The following DNAL1 variants were observed in gnomAD, a reference collection of about 807,000 sequenced individuals.
The protein encoded by DNAL1 is dynein axonemal light chain 1.
Under a neutral mutation model 29.4 loss-of-function variants are expected in DNAL1, and 17 were observed. That is an observed-to-expected ratio of 0.58 (90% CI 0.40 to 0.87). The LOEUF is 0.87. Among genes scored for constraint, DNAL1 ranks in the 40% least tolerant of loss-of-function variants. The pLI is 0.00. For missense variants in DNAL1, 188 were observed against 214.1 expected, an observed-to-expected ratio of 0.88 and a Z score of 0.76; for synonymous variants, 78 against 76.3, an observed-to-expected ratio of 1.02 and a Z score of -0.12.
intron 5 of DNAL1, among the ~76,000 whole-genome samples, chr14:73,685,367 A>T (rs563414857): frequency 2.3e-4 from 35 of 151,900 alleles, no homozygotes; most frequent in African/African-American, 7.0e-4. Flanking sequence ...ATCATACAGC[A>T]TTTATCTTTT....
chr14:73,683,314 G>C (rs1039479905), intron 5 of DNAL1, among the ~76,000 whole-genome samples: 1 of 152,176 alleles, frequency 6.6e-6, no homozygotes, highest in Non-Finnish European at 1.5e-5. Flanking sequence ...TTATGCGTGT[G>C]TATGGCTGGT....
intron 1 of DNAL1, among the ~76,000 whole-genome samples, chr14:73,650,269 A>G (rs1358188965): frequency 2.0e-5 from 3 of 152,194 alleles, no homozygotes. Context: ...GATTATAGGC[A>G]TGAGCCACTG....
chr14:73,679,155 C>A (rs761626730), intron 5 of DNAL1, among the ~76,000 whole-genome samples: 7 of 152,106 alleles, frequency 4.6e-5, no homozygotes, highest in Non-Finnish European at 1.0e-4. Flanking sequence ...TGCCACCACA[C>A]CCGGCTAATT....
chr14:73,654,874 T>G lies in DNAL1; in HGVS notation c.31T>G (p.Leu11Val). 6.5e-7 allele frequency: 1 copy of G among 1,542,096 alleles called. No homozygotes were observed. The highest frequency in any genetic ancestry group is 8.7e-7 in the Non-Finnish European group (1 of 1,144,580). Residue 11 changes from leucine (L) to valine (V), a missense_variant, in exon 2 of 8, where the codon TTA becomes GTA. By Grantham distance (32) the Leu-to-Val change is conservative. Coordinates refer to ENST00000553645, the MANE Select transcript of DNAL1 (RefSeq NM_031427.4). MAKATTIKEALARWEEKTGQR... is the reference protein window; with the variant it reads MAKATTIKEAVARWEEKTGQR... Reference sequence around the variant, plus strand: ...GAAAGCAACAACAATCAAAGAAGCCTTAGCGAGATGGGTGAGTACATGAGT... The same window carrying G: ...GAAAGCAACAACAATCAAAGAAGCCGTAGCGAGATGGGTGAGTACATGAGT...
intron 5 of DNAL1, among the ~76,000 whole-genome samples, chr14:73,677,460 C>T (rs1025576317): frequency 4.0e-5 from 6 of 151,614 alleles, no homozygotes; most frequent in South Asian, 2.1e-4. Flanking sequence ...CCACTGTTCG[C>T]GGCAAGTACC....
Position 73,698,715 on chromosome 14 carries a change from A to G in DNAL1, c.*2773A>G, listed in dbSNP as rs1479196647. 1 of 152,156 alleles carries G rather than the reference A, an allele frequency of 6.6e-6. No individual in the cohort carries two copies. The highest frequency in any genetic ancestry group is 1.5e-5 in the Non-Finnish European group (1 of 68,062). 9.4% of individuals were successfully genotyped at this position (152,156 alleles called of 1,614,324 possible). A position where few individuals can be genotyped will look rare whatever the true frequency, so the allele number is the denominator to read the frequency against. On this transcript the variant is annotated 3_prime_UTR_variant, in exon 8 of 8. Coordinates refer to ENST00000553645, the MANE Select transcript of DNAL1 (RefSeq NM_031427.4). ...CACATCGGCCTCCCAAAGTGCTGGG[A>G]TTACAGGCATGAGCCACCGTGCCTG...
At chr14:73,681,128 TG>T (rs1891864757) in intron 5 of DNAL1, among the ~76,000 whole-genome samples, 1 of 151,566 alleles carries the variant, frequency 6.6e-6, no homozygotes, top group Non-Finnish European at 1.5e-5. Context: ...TTGGGTTTGT[TG>T]TTTTTTTGCT....
chr14:73,682,468 C>T (rs1479270739), intron 5 of DNAL1, among the ~76,000 whole-genome samples: 1 of 151,138 alleles, frequency 6.6e-6, no homozygotes, highest in Non-Finnish European at 1.5e-5. Context: ...GGATTACAGG[C>T]ATGAGCCACT....
At chr14:73,662,117 A>G in intron 4 of DNAL1, 75 bp downstream of exon 4, 1 of 1,290,712 alleles carries the variant, frequency 7.7e-7, no homozygotes, top group South Asian at 1.3e-5. Flanking sequence ...ACAATATGTA[A>G]TTCCAGAAGC....
At chr14:73,673,580 A>G (rs1380917687) in intron 5 of DNAL1, among the ~76,000 whole-genome samples, 1 of 152,082 alleles carries the variant, frequency 6.6e-6, no homozygotes, top group Non-Finnish European at 1.5e-5. Context: ...CAAAAGCTTT[A>G]TTGCTTATTT....
In DNAL1 at chr14:73,701,858, T is replaced by C. The variant is rs901786345; in HGVS notation, c.*5916T>C. ...TAGCATGACTTTATGACTAAACTTATTGTGAATTAAGTTATTTAGAAATGT... is the reference window on the plus strand; with the variant it reads ...TAGCATGACTTTATGACTAAACTTACTGTGAATTAAGTTATTTAGAAATGT... On this transcript the variant is annotated 3_prime_UTR_variant, in exon 8 of 8. Coordinates refer to ENST00000553645, the MANE Select transcript of DNAL1 (RefSeq NM_031427.4). 17 of 152,196 alleles carry C rather than the reference T, an allele frequency of 1.1e-4. No individual in the cohort carries two copies. Among genetic ancestry groups the C allele is most frequent in the Admixed American group, 3.9e-4 (6 of 15,270 alleles). The allele number at this position is 152,196 out of a possible 1,614,324, so 9.4% of individuals were successfully genotyped here. A position where few individuals can be genotyped will look rare whatever the true frequency, so the allele number is the denominator to read the frequency against.
At chr14:73,689,331 C>T (rs1194141260) in intron 6 of DNAL1, 44 bp from the exon 7 acceptor site, 3 of 1,548,532 alleles carry the variant, frequency 1.9e-6, no homozygotes, top group East Asian at 4.9e-5. Context: ...CGCACCCGGC[C>T]AAAACTTAGT....
intron 2 of DNAL1, among the ~76,000 whole-genome samples, chr14:73,655,721 G>A (rs1323646937): frequency 1.3e-5 from 2 of 151,948 alleles, no homozygotes; most frequent in African/African-American, 4.8e-5. Context: ...ATGAGTTGTG[G>A]ATTATCTAGG....
At chr14:73,672,100 T>G (rs1891626880) in intron 5 of DNAL1, among the ~76,000 whole-genome samples, 1 of 152,116 alleles carries the variant, frequency 6.6e-6, no homozygotes, top group East Asian at 1.9e-4. Flanking sequence ...ATTGCAGTGG[T>G]TTCCAACAGT....
At chr14:73,647,242 A>C (rs1261820879) in intron 1 of DNAL1, among the ~76,000 whole-genome samples, 1 of 151,474 alleles carries the variant, frequency 6.6e-6, no homozygotes, top group African/African-American at 2.4e-5. Context: ...GTAGGCGCCT[A>C]TAGTCCTAGC....
chr14:73,664,216 G>A (rs1324353866), intron 4 of DNAL1, among the ~76,000 whole-genome samples: 29 of 152,118 alleles, frequency 1.9e-4, no homozygotes, highest in African/African-American at 2.4e-5. Context: ...CTTTTCCAAG[G>A]ACCAGCCTTA....
chr14:73,648,061 T>G (rs1891019502), intron 1 of DNAL1, among the ~76,000 whole-genome samples: 1 of 152,048 alleles, frequency 6.6e-6, no homozygotes, highest in African/African-American at 2.4e-5. Flanking sequence ...CACTGCAGCC[T>G]CTGCCCCTAG....
intron 1 of DNAL1, 82 bp downstream of exon 1, chr14:73,645,124 G>T: frequency 6.4e-7 from 1 of 1,567,418 alleles, no homozygotes; most frequent in East Asian, 2.4e-5. Flanking sequence ...TTGAGGGTCT[G>T]GGGGTCCTTG....
intron 3 of DNAL1, 146 bp from the exon 4 acceptor site, chr14:73,661,841 G>T: frequency 3.6e-6 from 2 of 556,096 alleles, no homozygotes; most frequent in Non-Finnish European, 6.3e-6. Context: ...GAAAAACAAT[G>T]ATTTCAAAAT....
Sources: allele counts gnomAD v4.1 joint callset (sites outside exome capture counted in the v4.1 genomes callset), GRCh38; gene constraint gnomAD v4.1.1; transcripts MANE v1.5; gene names NCBI Gene and HGNC (gene_info 2026-07-23, HGNC 2026-07-21).